DLC1: variants seen among roughly 807,000 people sequenced by gnomAD.
The protein encoded by DLC1 is DLC1 Rho GTPase activating protein.
In DLC1, 54 loss-of-function variants were observed where a neutral mutation model predicts 140.3. That is an observed-to-expected ratio of 0.38 (90% CI 0.31 to 0.48). The LOEUF (loss-of-function observed/expected upper bound fraction) is 0.48, where lower values mean the gene tolerates loss of function less well. Among genes scored for constraint, DLC1 ranks in the 20% least tolerant of loss-of-function variants. The probability of loss-of-function intolerance (pLI) is 0.96; values close to 1 mark genes in which losing one functional copy is unlikely to be tolerated. For synonymous variants in DLC1, 986 were observed against 728.1 expected, an observed-to-expected ratio of 1.35 and a Z score of -5.70; for missense variants, 2,536 against 1,907.0, an observed-to-expected ratio of 1.33 and a Z score of -6.14.
intron 5 of DLC1, among the ~76,000 whole-genome samples, chr8:13,178,673 T>A (rs1376675710): frequency 1.4e-5 from 2 of 147,214 alleles, no homozygotes; most frequent in African/African-American, 5.0e-5. Flanking sequence ...GCAAAACATA[T>A]AATCAACAAT....
At chr8:13,310,486 T>C (rs571081906) in intron 4 of DLC1, among the ~76,000 whole-genome samples, 8 of 152,304 alleles carry the variant, frequency 5.3e-5, no homozygotes, top group East Asian at 3.9e-4. Context: ...CCTTCAGTGA[T>C]GGAACAGCCT....
rs34727279 is a variant in DLC1 at position 13,214,557 on chromosome 8, C to CTTTTT, written c.1348+90707_1348+90711dup. 2.3e-4 allele frequency: 135 copies of CTTTTT among 580,366 alleles called. 1 individual carries two copies. Among genetic ancestry groups the CTTTTT allele is most frequent in the South Asian group, 3.5e-4 (17 of 47,944 alleles). 36.0% of individuals were successfully genotyped at this position (580,366 alleles called of 1,614,324 possible). On this transcript the variant is annotated intron_variant, in intron 5 of 17. Transcript: ENST00000276297. Reference sequence around the variant, plus strand: ...AGCTGTCCCCCGGCCCCAACCCCACCTTTTTTTTTTTTTTTTTGTGGCTGC... The same window carrying CTTTTT: ...AGCTGTCCCCCGGCCCCAACCCCACCTTTTTTTTTTTTTTTTTTTTTTGTGGCTGC...
At chr8:13,277,602 T>C (rs1440569438) in intron 5 of DLC1, among the ~76,000 whole-genome samples, 1 of 152,232 alleles carries the variant, frequency 6.6e-6, no homozygotes, top group African/African-American at 2.4e-5. Flanking sequence ...TTACAAGATA[T>C]GCGCCTTAGT....
intron 1 of DLC1, among the ~76,000 whole-genome samples, chr8:13,601,208 A>G (rs1805871347): frequency 6.6e-6 from 1 of 151,774 alleles, no homozygotes; most frequent in Non-Finnish European, 1.5e-5. Context: ...TCAGCTCACC[A>G]GTAAGTTAGC....
chr8:13,298,869 T>G (rs982101565), intron 5 of DLC1, among the ~76,000 whole-genome samples: 1 of 152,110 alleles, frequency 6.6e-6, no homozygotes, highest in Non-Finnish European at 1.5e-5. Flanking sequence ...AAAAAAAAAG[T>G]TGAAACTATT....
chr8:13,576,945 C>A (rs188489975), intron 1 of DLC1, among the ~76,000 whole-genome samples: 1 of 151,968 alleles, frequency 6.6e-6, no homozygotes, highest in South Asian at 2.1e-4. Flanking sequence ...TCTCTGACTG[C>A]AAAGTGCTTA....
At position 13,456,698 on chromosome 8, in the gene DLC1, A is replaced by G. The variant is rs569953107; in HGVS notation, c.1023+42351T>C. ...GGTTTTGAACTCCTGACTTCAAATG[A>G]TCCACCTGCCTCAGCTTCCCAAAGT... On this transcript the variant is annotated intron_variant, in intron 2 of 17. Coordinates refer to ENST00000276297, the MANE Select transcript of DLC1 (RefSeq NM_182643.3). 1.2e-4 allele frequency among the ~76,000 whole-genome samples: 18 copies of G among 152,290 alleles called. 1 individual carries two copies. The South Asian group carries it at 3.5e-3, about 30-fold the overall frequency.
intron 16 of DLC1, among the ~76,000 whole-genome samples, chr8:13,088,205 G>C (rs1042711178): frequency 4.6e-5 from 7 of 150,722 alleles, no homozygotes; most frequent in Admixed American, 1.4e-4. Context: ...TCGGCCTCCC[G>C]AGTAGCTAGG....
chr8:13,333,919 C>T (rs1833705635), intron 4 of DLC1, among the ~76,000 whole-genome samples: 1 of 152,168 alleles, frequency 6.6e-6, no homozygotes, highest in African/African-American at 2.4e-5. Context: ...ACACCTTATA[C>T]ATACTGGGAA....
At chr8:13,353,045 T>C (rs1413075421) in intron 4 of DLC1, among the ~76,000 whole-genome samples, 1 of 152,182 alleles carries the variant, frequency 6.6e-6, no homozygotes, top group Non-Finnish European at 1.5e-5. Context: ...ACCATATATA[T>C]ATAGTCCCAG....
At chr8:13,365,454 G>C (rs928450996) in intron 4 of DLC1, among the ~76,000 whole-genome samples, 5 of 152,112 alleles carry the variant, frequency 3.3e-5, no homozygotes, top group Non-Finnish European at 1.5e-5. Flanking sequence ...GGAAAGTCAG[G>C]TGACCCTGTG....
At chr8:13,544,802 C>T (rs1039746894) in intron 1 of DLC1, among the ~76,000 whole-genome samples, 1 of 152,152 alleles carries the variant, frequency 6.6e-6, no homozygotes, top group African/African-American at 2.4e-5. Flanking sequence ...TGGGAGTAAG[C>T]TTCATTTCTT....
At chr8:13,484,757 T>C (rs949982007) in intron 2 of DLC1, among the ~76,000 whole-genome samples, 20 of 151,920 alleles carry the variant, frequency 1.3e-4, no homozygotes, top group Admixed American at 8.5e-4. Context: ...ATATGTCACT[T>C]TGAACATAAA....
chr8:13,091,237 A>C, intron 14 of DLC1, 81 bp downstream of exon 14: 3 of 1,376,754 alleles, frequency 2.2e-6, no homozygotes, highest in Non-Finnish European at 3.1e-6. Flanking sequence ...TTCAGGTAAG[A>C]CATGAACAAG....
intron 5 of DLC1, among the ~76,000 whole-genome samples, chr8:13,161,796 C>A (rs889950825): frequency 6.6e-6 from 1 of 152,170 alleles, no homozygotes; most frequent in Non-Finnish European, 1.5e-5. Flanking sequence ...TACACTGATT[C>A]TTAACCTGTG....
chr8:13,253,761 T>A (rs1293266083), intron 5 of DLC1, among the ~76,000 whole-genome samples: 1 of 152,166 alleles, frequency 6.6e-6, no homozygotes, highest in Non-Finnish European at 1.5e-5. Flanking sequence ...ATTCAGTTAG[T>A]CTGAGTCAAT....
intron 1 of DLC1, chr8:13,567,800 A>G (rs939680236): frequency 4.5e-6 from 7 of 1,551,890 alleles, no homozygotes; most frequent in Non-Finnish European, 6.1e-6. Flanking sequence ...GAGAAAAGTC[A>G]TATCAGATAC....
At chr8:13,337,502 C>G (rs930753953) in intron 4 of DLC1, among the ~76,000 whole-genome samples, 13 of 152,104 alleles carry the variant, frequency 8.5e-5, no homozygotes, top group Admixed American at 2.0e-4. Flanking sequence ...TTTGATTTGA[C>G]AATCACATTA....
chr8:13,496,487 G>A (rs1801507966), intron 2 of DLC1, among the ~76,000 whole-genome samples: 1 of 151,892 alleles, frequency 6.6e-6, no homozygotes, highest in Admixed American at 6.6e-5. Flanking sequence ...TGTAATTGCT[G>A]TTAACAATTT....
Sources: allele counts gnomAD v4.1 joint callset (sites outside exome capture counted in the v4.1 genomes callset), GRCh38; gene constraint gnomAD v4.1.1; transcripts MANE v1.5; gene names NCBI Gene and HGNC (gene_info 2026-07-23, HGNC 2026-07-21).